CHSY1: variants seen among roughly 807,000 people sequenced by gnomAD.
CHSY1 encodes chondroitin sulfate synthase 1.
Under a neutral mutation model 59.8 loss-of-function variants are expected in CHSY1, and 13 were observed. The ratio of observed to expected loss-of-function variants is 0.22; its 90% CI spans 0.14 to 0.35. The LOEUF is 0.35. Among genes scored for constraint, CHSY1 ranks in the 10% least tolerant of loss-of-function variants. CHSY1 has a pLI of 1.00. For missense variants in CHSY1, 947 were observed against 1,030.6 expected (o/e 0.92, Z 1.11); for synonymous variants, 459 against 401.2 (o/e 1.14, Z -1.72).
At chr15:101,221,538 G>C (rs1567100917) in intron 2 of CHSY1, among the ~76,000 whole-genome samples, 1 of 152,096 alleles carries the variant, frequency 6.6e-6, no homozygotes, top group African/African-American at 2.4e-5. Context: ...TATTATCTGG[G>C]ATATTCAATA....
chr15:101,202,606 G>A (rs997130544), intron 2 of CHSY1, among the ~76,000 whole-genome samples: 3 of 151,388 alleles, frequency 2.0e-5, no homozygotes, highest in Non-Finnish European at 4.4e-5. Context: ...CTGCAGGAGG[G>A]GCAGTGGGAT....
chr15:101,223,206 G>A (rs949153339), intron 2 of CHSY1, among the ~76,000 whole-genome samples: 10 of 152,164 alleles, frequency 6.6e-5, no homozygotes, highest in South Asian at 2.1e-4. Context: ...TGTTGGCCAG[G>A]CTGGTCCCGA....
At chr15:101,233,520 T>C (rs1365704380) in intron 2 of CHSY1, among the ~76,000 whole-genome samples, 1 of 152,136 alleles carries the variant, frequency 6.6e-6, no homozygotes, top group Non-Finnish European at 1.5e-5. Context: ...AATGCAGAAA[T>C]ATTGCCAGCT....
chr15:101,237,507 C>A (rs1261504985), intron 1 of CHSY1, among the ~76,000 whole-genome samples: 2 of 152,032 alleles, frequency 1.3e-5, no homozygotes, highest in Non-Finnish European at 2.9e-5. Context: ...GATGAGTGGT[C>A]AATTGCGAGG....
In CHSY1 at chr15:101,250,580, T is replaced by C. The variant is rs570432970; in HGVS notation, c.320+557A>G. Reference sequence around the variant, plus strand: ...AACTGCTTTTCCCCAAGGTTCTCTCTCTCTGTACTCAACAGACTGGTGTGG... The same window carrying C: ...AACTGCTTTTCCCCAAGGTTCTCTCCCTCTGTACTCAACAGACTGGTGTGG... On this transcript the variant is annotated intron_variant, in intron 1 of 2. Coordinates refer to ENST00000254190, the MANE Select transcript of CHSY1 (RefSeq NM_014918.5). Among the ~76,000 whole-genome samples, 112 of 152,370 alleles carry C rather than the reference T, an allele frequency of 7.4e-4. 1 individual carries two copies. The highest frequency in any genetic ancestry group is 2.6e-3 in the African/African-American group (108 of 41,592).
chr15:101,237,585 G>A (rs773151278), intron 1 of CHSY1, among the ~76,000 whole-genome samples: 3 of 152,154 alleles, frequency 2.0e-5, no homozygotes, highest in South Asian at 2.1e-4. Flanking sequence ...GGTCAACTGC[G>A]AGGAAACCAC....
At chr15:101,185,492 G>T (rs113979565) in intron 2 of CHSY1, among the ~76,000 whole-genome samples, 335 of 91,360 alleles carry the variant, frequency 3.7e-3, no homozygotes, top group African/African-American at 0.014. Flanking sequence ...CCCTGTGAAC[G>T]CCCTCCATGG....
At chr15:101,211,544 T>G (rs541527023) in intron 2 of CHSY1, among the ~76,000 whole-genome samples, 142 of 152,234 alleles carry the variant, frequency 9.3e-4, no homozygotes, top group Middle Eastern at 3.4e-3. Context: ...GAAGCAATAT[T>G]TATAAAAATA....
intron 2 of CHSY1, among the ~76,000 whole-genome samples, chr15:101,184,199 C>A (rs981422516): frequency 2.6e-5 from 4 of 152,110 alleles, no homozygotes; most frequent in Non-Finnish European, 4.4e-5. Context: ...TTAGAAGCTG[C>A]CTACGGTTGT....
chr15:101,188,969 C>T (rs1439991745), intron 2 of CHSY1, among the ~76,000 whole-genome samples: 2 of 152,118 alleles, frequency 1.3e-5, no homozygotes, highest in African/African-American at 4.8e-5. Flanking sequence ...AAGTGGCAGA[C>T]GTGGCAGCAT....
intron 2 of CHSY1, among the ~76,000 whole-genome samples, chr15:101,226,005 A>G (rs1326662395): frequency 6.6e-6 from 1 of 152,242 alleles, no homozygotes; most frequent in Admixed American, 6.5e-5. Flanking sequence ...AGAGATGTTC[A>G]TGTACCTGGA....
chr15:101,209,090 A>G (rs1159401114), intron 2 of CHSY1, among the ~76,000 whole-genome samples: 1 of 152,214 alleles, frequency 6.6e-6, no homozygotes. Flanking sequence ...ATAAAAAGAC[A>G]GAGAGTAACT....
chr15:101,227,848 G>C (rs1174539299), intron 2 of CHSY1, among the ~76,000 whole-genome samples: 2 of 152,012 alleles, frequency 1.3e-5, no homozygotes, highest in African/African-American at 4.8e-5. Context: ...GACTTCCGTG[G>C]CCACATACAA....
chr15:101,208,630 T>C (rs1441225194), intron 2 of CHSY1, among the ~76,000 whole-genome samples: 1 of 151,328 alleles, frequency 6.6e-6, no homozygotes. Context: ...TGAGAATTGC[T>C]TGAACCCAGG....
rs1475109077 is a variant in CHSY1, at chr15:101,177,426, T to A, written c.2371A>T (p.Lys791Ter). The stretch of plus-strand genomic sequence containing the variant: ...ACTGAGCCATTATTATTGCTGCTTT[T>A]ACTGTAACTTGGATCATTTTTTTCC... ...WLEKNDPSYS[K>*]SSNNNGSVRT... The change falls in exon 3 of 3, where the codon AAA (lysine) becomes TAA (stop). Residue 791 changes from lysine (K) to a stop codon, truncating the protein, a stop_gained. Coordinates refer to ENST00000254190, the MANE Select transcript of CHSY1 (RefSeq NM_014918.5). LOFTEE classifies it high-confidence loss of function. The A allele has an allele frequency of 6.2e-7, 1 of 1,613,528 alleles. No homozygotes were observed. Among genetic ancestry groups the A allele is most frequent in the African/African-American group, 1.3e-5 (1 of 74,914 alleles).
intron 2 of CHSY1, among the ~76,000 whole-genome samples, chr15:101,216,402 A>T (rs2038732648): frequency 6.6e-6 from 1 of 152,358 alleles, no homozygotes; most frequent in Non-Finnish European, 1.5e-5. Context: ...ATATTTACCC[A>T]ACTGATTTAA....
chr15:101,231,439 G>A (rs928981059), intron 2 of CHSY1, among the ~76,000 whole-genome samples: 3 of 152,216 alleles, frequency 2.0e-5, no homozygotes, highest in Admixed American at 6.5e-5. Context: ...AGGGGCCGGA[G>A]GCAGAGGAAG....
At chr15:101,217,983 T>C (rs1455057856) in intron 2 of CHSY1, among the ~76,000 whole-genome samples, 2 of 152,206 alleles carry the variant, frequency 1.3e-5, no homozygotes, top group Admixed American at 6.5e-5. Context: ...CGATAAACCA[T>C]GCTGACGGTA....
chr15:101,230,412 T>C (rs1034156716), intron 2 of CHSY1, among the ~76,000 whole-genome samples: 1 of 152,198 alleles, frequency 6.6e-6, no homozygotes, highest in Non-Finnish European at 1.5e-5. Context: ...AGAAAAATTA[T>C]TTCTTTGTGG....
Sources: allele counts gnomAD v4.1 joint callset (sites outside exome capture counted in the v4.1 genomes callset), GRCh38; gene constraint gnomAD v4.1.1; transcripts MANE v1.5; gene names NCBI Gene and HGNC (gene_info 2026-07-23, HGNC 2026-07-21).